Variants in MAPK6 observed in about 807,000 individuals in gnomAD.
MAPK6 encodes ERK-3.
MAPK6 carries 19 observed loss-of-function variants against 59.3 expected under a neutral mutation model. The ratio of observed to expected loss-of-function variants is 0.32; its 90% CI spans 0.22 to 0.47. MAPK6 has a LOEUF of 0.47. MAPK6 is among the 20% of genes least tolerant of loss of function. The probability of loss-of-function intolerance (pLI) is 1.00; values close to 1 mark genes in which losing one functional copy is unlikely to be tolerated. For synonymous variants in MAPK6, 316 were observed against 290.3 expected (o/e 1.09, Z -0.90); for missense variants, 724 against 847.9 (o/e 0.85, Z 1.81).
chr15:52,006,716 C>CA (rs1479165084), intron 3 of MAPK6, among the ~76,000 whole-genome samples: 1 of 152,154 alleles, frequency 6.6e-6, no homozygotes, highest in Non-Finnish European at 1.5e-5. Flanking sequence ...TCAAGTTCTT[C>CA]AAGCAGCAAA....
chr15:51,976,920 G>A (rs112712592), intron 1 of MAPK6, among the ~76,000 whole-genome samples: 2,884 of 151,788 alleles, frequency 0.019, 99 homozygotes, highest in East Asian at 0.075. Context: ...TCCAGCCTGG[G>A]AGATAGAGCA....
intron 1 of MAPK6, among the ~76,000 whole-genome samples, chr15:52,045,198 G>T (rs989936723): frequency 8.5e-5 from 13 of 152,266 alleles, no homozygotes; most frequent in East Asian, 5.8e-4. Flanking sequence ...ACTATTGTGT[G>T]AAAGTTTGTT....
At chr15:52,063,356 A>ACCTGACCT (rs2032280370) in intron 5 of MAPK6, among the ~76,000 whole-genome samples, 1 of 152,202 alleles carries the variant, frequency 6.6e-6, no homozygotes, top group South Asian at 2.1e-4. Flanking sequence ...GAGCCACTGC[A>ACCTGACCT]CCTGACCTGC....
chr15:52,066,681 A>G lies in MAPK6; in HGVS notation c.*1681A>G, dbSNP rs1381918950. On this transcript the variant is annotated 3_prime_UTR_variant, in exon 6 of 6. Transcript: ENST00000261845. Reference sequence around the variant, plus strand: ...CACTTTTCTTTCATCCTTGTTTTGTACAACACCAATTCTATTAATATCTGC... The same window carrying G: ...CACTTTTCTTTCATCCTTGTTTTGTGCAACACCAATTCTATTAATATCTGC... 2 of 151,860 alleles carry G rather than the reference A, an allele frequency of 1.3e-5. No homozygotes were observed. Among genetic ancestry groups the G allele is most frequent in the Non-Finnish European group, 2.9e-5 (2 of 67,960 alleles). 9.4% of individuals were successfully genotyped at this position (151,860 alleles called of 1,614,324 possible). A position where few individuals can be genotyped will look rare whatever the true frequency, so the allele number is the denominator to read the frequency against.
At chr15:51,980,735 C>T (rs2057170550) in intron 1 of MAPK6, among the ~76,000 whole-genome samples, 1 of 150,970 alleles carries the variant, frequency 6.6e-6, no homozygotes. Context: ...GGACTACAGG[C>T]GCATACCACC....
intron 5 of MAPK6, 58 bp downstream of exon 5, chr15:52,061,558 T>C (rs1003648317): frequency 7.8e-7 from 1 of 1,274,524 alleles, no homozygotes; most frequent in African/African-American, 1.5e-5. Context: ...GGACCATATG[T>C]AGTGAGTTTT....
intron 1 of MAPK6, among the ~76,000 whole-genome samples, chr15:52,025,787 C>CAA (rs200008223): frequency 6.7e-6 from 1 of 149,780 alleles, no homozygotes; most frequent in African/African-American, 2.5e-5. Context: ...GACTACGTCT[C>CAA]AAAAAAAAAT....
intron 3 of MAPK6, among the ~76,000 whole-genome samples, chr15:52,056,493 C>G (rs1370082500): frequency 2.0e-5 from 3 of 152,218 alleles, no homozygotes; most frequent in African/African-American, 7.2e-5. Context: ...GTCTTTCACC[C>G]TGTCCAGTCA....
chr15:52,045,479 ATATT>A (rs1279456729), intron 1 of MAPK6, among the ~76,000 whole-genome samples: 1 of 152,186 alleles, frequency 6.6e-6, no homozygotes, highest in African/African-American at 2.4e-5. Context: ...ATTCTTTTAG[ATATT>A]TAGATAGATG....
In MAPK6 at chr15:52,064,219, G is replaced by A. The variant is rs753474808; in HGVS notation, c.1385G>A (p.Ser462Asn). The part of the protein sequence containing the change: ...SYLDNLVWRE[S>N]EVNHYYEPKL... ...TTAGATAACTTAGTTTGGAGAGAGAGTGAAGTTAACCATTACTATGAACCC... is the reference window on the plus strand; with the variant it reads ...TTAGATAACTTAGTTTGGAGAGAGAATGAAGTTAACCATTACTATGAACCC... The change falls in exon 6 of 6, where the codon AGT becomes AAT. Residue 462 changes from serine to asparagine, a missense_variant. Physicochemically the swap from Ser to Asn is conservative, Grantham distance 46 (BLOSUM62 1). Coordinates refer to ENST00000261845, the MANE Select transcript of MAPK6 (RefSeq NM_002748.4). The A allele has an allele frequency of 2.6e-5, 42 of 1,611,528 alleles. No homozygotes were observed. The highest frequency in any genetic ancestry group is 3.6e-5 in the Non-Finnish European group (42 of 1,179,508).
intron 5 of MAPK6, among the ~76,000 whole-genome samples, chr15:52,062,087 A>AGAT (rs2032227731): frequency 8.2e-6 from 1 of 121,482 alleles, no homozygotes; most frequent in Non-Finnish European, 1.6e-5. Flanking sequence ...TTTTTTTTTG[A>AGAT]GATGGAATCT....
At chr15:52,027,593 C>T (rs1320603450) in intron 1 of MAPK6, 1 of 145,748 alleles carries the variant, frequency 6.9e-6, no homozygotes, top group African/African-American at 2.5e-5. Context: ...TGGATGTCTT[C>T]TCTTGACTTT....
chr15:51,998,242 T>G (rs1265117554), intron 2 of MAPK6, among the ~76,000 whole-genome samples: 1 of 151,638 alleles, frequency 6.6e-6, no homozygotes, highest in Non-Finnish European at 1.5e-5. Context: ...GCACCCAGCC[T>G]AAAGTTATTT....
intron 2 of MAPK6, among the ~76,000 whole-genome samples, chr15:52,003,433 G>C (rs545204801): frequency 6.6e-6 from 1 of 152,284 alleles, no homozygotes; most frequent in African/African-American, 2.4e-5. Context: ...GGGCAACCCA[G>C]AAAAGGCACA....
At chr15:51,990,795 G>A (rs908067053) in intron 2 of MAPK6, among the ~76,000 whole-genome samples, 1 of 152,144 alleles carries the variant, frequency 6.6e-6, no homozygotes, top group Admixed American at 6.6e-5. Context: ...CTAAAAGTAC[G>A]AAAACAAAAT....
chr15:51,994,741 T>C (rs531328534), intron 2 of MAPK6, among the ~76,000 whole-genome samples: 2 of 152,246 alleles, frequency 1.3e-5, no homozygotes, highest in South Asian at 2.1e-4. Context: ...CATCATGCTA[T>C]TGGAAGAACA....
intron 2 of MAPK6, 108 bp downstream of exon 2, chr15:52,047,123 A>G: frequency 1.4e-6 from 1 of 730,046 alleles, no homozygotes; most frequent in Admixed American, 3.1e-5. Context: ...AATCTTATTA[A>G]ACTTTACATA....
At chr15:52,052,653 G>A (rs753326591) in intron 3 of MAPK6, among the ~76,000 whole-genome samples, 1 of 152,100 alleles carries the variant, frequency 6.6e-6, no homozygotes, top group Non-Finnish European at 1.5e-5. Context: ...ATAACATTTG[G>A]ACTTTGTGAC....
intron 2 of MAPK6, among the ~76,000 whole-genome samples, chr15:51,998,638 G>C (rs903522252): frequency 6.9e-6 from 1 of 145,822 alleles, no homozygotes; most frequent in African/African-American, 2.6e-5. Context: ...CTCCTGCCTC[G>C]GCCTCCCAAG....
Sources: gnomAD v4.1 joint callset for allele counts (sites outside exome capture counted in the v4.1 genomes callset) on GRCh38, gnomAD v4.1.1 for gene constraint, MANE v1.5 for transcripts, NCBI Gene and HGNC (gene_info 2026-07-23, HGNC 2026-07-21) for gene names.